RASEF: variants seen among roughly 807,000 people sequenced by gnomAD.
RASEF encodes RAS and EF-hand domain containing.
Under a neutral mutation model 90.1 loss-of-function variants are expected in RASEF, and 68 were observed. The ratio of observed to expected loss-of-function variants is 0.75; its 90% CI spans 0.62 to 0.92. The LOEUF is 0.92. Among genes scored for constraint, RASEF ranks in the 40% least tolerant of loss-of-function variants. The pLI is 0.00. For missense variants in RASEF, 949 were observed against 937.2 expected (o/e 1.01, Z -0.16); for synonymous variants, 331 against 345.2 (o/e 0.96, Z 0.46).
At chr9:83,082,904 T>C in the RASEF span, among the ~76,000 whole-genome samples, 540 of 152,224 alleles carry the variant, frequency 3.5e-3, 12 homozygotes, top group Admixed American at 0.027. Flanking sequence ...AGGTAGAAGG[T>C]TGTCAGTCTG....
At chr9:83,093,668 G>A in the RASEF span, among the ~76,000 whole-genome samples, 15 of 152,294 alleles carry the variant, frequency 9.8e-5, no homozygotes, top group South Asian at 2.1e-4. Context: ...ACGCAGCCCC[G>A]GTTCCCGCTC....
At chr9:83,100,772 A>G in the RASEF span, among the ~76,000 whole-genome samples, 1 of 152,208 alleles carries the variant, frequency 6.6e-6, no homozygotes. Flanking sequence ...GAAGAGAGGA[A>G]GTTAATGAAA....
At chr9:83,181,162 C>T in the RASEF span, among the ~76,000 whole-genome samples, 1 of 147,758 alleles carries the variant, frequency 6.8e-6, no homozygotes, top group Admixed American at 6.9e-5. Context: ...AGGTATATGT[C>T]CAGAATGGGG....
upstream of RASEF, among the ~76,000 whole-genome samples, chr9:83,067,042 C>G (rs2117947100): frequency 6.6e-6 from 1 of 152,298 alleles, no homozygotes; most frequent in Admixed American, 6.5e-5. Flanking sequence ...AGCAATACCA[C>G]TTTAACCTGC....
At chr9:83,032,543 A>C (rs1829666603) in intron 1 of RASEF, among the ~76,000 whole-genome samples, 1 of 152,236 alleles carries the variant, frequency 6.6e-6, no homozygotes, top group South Asian at 2.1e-4. Context: ...TTGTGTCTGA[A>C]GATATCAAGT....
the RASEF span, among the ~76,000 whole-genome samples, chr9:83,103,135 C>T: frequency 3.3e-5 from 5 of 152,280 alleles, no homozygotes; most frequent in Admixed American, 2.6e-4. Context: ...CAGCCTTTTG[C>T]TTGATATGGT....
chr9:83,088,286 T>C, the RASEF span, among the ~76,000 whole-genome samples: 1 of 151,960 alleles, frequency 6.6e-6, no homozygotes, highest in Admixed American at 6.6e-5. Flanking sequence ...AATATAGACA[T>C]AGGTATCTCT....
the RASEF span, among the ~76,000 whole-genome samples, chr9:83,218,680 A>T: frequency 2.2e-3 from 336 of 152,294 alleles, 2 homozygotes; most frequent in African/African-American, 7.4e-3. Flanking sequence ...CCTGCTTCTG[A>T]GTGGCAAGCT....
chr9:83,140,846 GC>G, the RASEF span, among the ~76,000 whole-genome samples: 1 of 152,070 alleles, frequency 6.6e-6, no homozygotes, highest in Non-Finnish European at 1.5e-5. Flanking sequence ...TAACTGAGGT[GC>G]AAGGCTGTTA....
chr9:83,217,595 C>G, the RASEF span, among the ~76,000 whole-genome samples: 1 of 152,206 alleles, frequency 6.6e-6, no homozygotes, highest in Non-Finnish European at 1.5e-5. Flanking sequence ...TGCACACACT[C>G]TCTTGCCTGC....
At chr9:83,203,268 T>G in the RASEF span, among the ~76,000 whole-genome samples, 1 of 148,728 alleles carries the variant, frequency 6.7e-6, no homozygotes, top group South Asian at 2.1e-4. Context: ...ATGTTCTATT[T>G]CAGTCCTTTT....
the RASEF span, among the ~76,000 whole-genome samples, chr9:83,102,194 A>G: frequency 1.3e-5 from 2 of 152,176 alleles, no homozygotes; most frequent in Non-Finnish European, 2.9e-5. Context: ...CTCCTGCCTC[A>G]GCCTCCCAGG....
Position 83,062,616 on chromosome 9 carries a change from A to C in RASEF, c.252T>G (p.Gly84=), listed in dbSNP as rs1203540922. The C allele has an allele frequency of 3.2e-6, 5 of 1,557,228 alleles. No homozygotes were observed. The highest frequency in any genetic ancestry group is 4.3e-6 in the Non-Finnish European group (5 of 1,156,160). The change falls in exon 1 of 17, where the codon GGT becomes GGG. Residue 84 remains glycine, a synonymous_variant. Coordinates refer to ENST00000376447, the MANE Select transcript of RASEF (RefSeq NM_152573.4). ...SLRGGRRRDW[G]PLDPAPAVSE... Reference sequence around the variant, plus strand: ...ACACGGCGGGCGCGGGATCCAGAGGACCCCAGTCCCGGCGCCGCCCCCCGC... The same window carrying C: ...ACACGGCGGGCGCGGGATCCAGAGGCCCCCAGTCCCGGCGCCGCCCCCCGC...
the RASEF span, among the ~76,000 whole-genome samples, chr9:83,161,493 T>C: frequency 6.6e-6 from 1 of 152,172 alleles, no homozygotes; most frequent in African/African-American, 2.4e-5. Context: ...TGTACCTGCA[T>C]TGTATCTAGG....
the RASEF span, among the ~76,000 whole-genome samples, chr9:83,094,463 A>C: frequency 2.0e-5 from 3 of 152,222 alleles, no homozygotes; most frequent in South Asian, 6.2e-4. Context: ...TAAATTATAC[A>C]TGTGGATTGA....
chr9:82,982,182 A>G lies in RASEF; in HGVS notation c.*495T>C, dbSNP rs529664379. 1 of 153,166 alleles carries G rather than the reference A, an allele frequency of 6.5e-6. No individual in the cohort carries two copies. Among genetic ancestry groups the G allele is most frequent in the South Asian group, 2.1e-4 (1 of 4,852 alleles). 9.5% of individuals were successfully genotyped at this position (153,166 alleles called of 1,614,324 possible). A position where few individuals can be genotyped will look rare whatever the true frequency, so the allele number is the denominator to read the frequency against. On this transcript the variant is annotated 3_prime_UTR_variant, in exon 17 of 17. Transcript: ENST00000376447. ...CCTTTGAGGGCAAGCTGCACATTTT[A>G]CAGATGAAGAAACAGATCCGACATG...
In RASEF at chr9:83,025,845, T is replaced by C. The variant is rs372657884; in HGVS notation, c.508A>G (p.Ile170Val). The C allele has an allele frequency of 5.0e-6, 8 of 1,614,016 alleles. No individual in the cohort carries two copies. The East Asian group carries it at 1.1e-4, about 22-fold the overall frequency. The change falls in exon 2 of 17, where the codon ATA (isoleucine) becomes GTA (valine). Residue 170 changes from isoleucine to valine, a missense_variant. Ile to Val is a conservative substitution (Grantham distance 29). Transcript: ENST00000376447. ...PRLIQPYEHV[I>V]KNFIREIRLQ... is the part of the protein sequence containing the mutation. The stretch of plus-strand genomic sequence containing the variant: ...CTGATCTCACGGATGAAGTTCTTTA[T>C]AACATGTTCATATGGCTGAATTAAT...
chr9:83,169,872 TA>T, the RASEF span, among the ~76,000 whole-genome samples: 1 of 151,710 alleles, frequency 6.6e-6, no homozygotes. Flanking sequence ...TTTTTATTTG[TA>T]GATTGTATCT....
chr9:83,170,487 C>T, the RASEF span, among the ~76,000 whole-genome samples: 1 of 151,840 alleles, frequency 6.6e-6, no homozygotes, highest in African/African-American at 2.4e-5. Context: ...GAAAAGATTT[C>T]ATTGAATCTA....
Sources: gnomAD v4.1 joint callset for allele counts (sites outside exome capture counted in the v4.1 genomes callset) on GRCh38, gnomAD v4.1.1 for gene constraint, MANE v1.5 for transcripts, NCBI Gene and HGNC (gene_info 2026-07-23, HGNC 2026-07-21) for gene names.